Variants in SCFD2 observed in about 807,000 individuals in gnomAD.
SCFD2 encodes the protein sec1 family domain containing 2.
In SCFD2, 54 loss-of-function variants were observed where a neutral mutation model predicts 58.9. The ratio of observed to expected loss-of-function variants is 0.92; its 90% confidence interval spans 0.74 to 1.15. The LOEUF is 1.15. SCFD2 is among the 50% of genes most tolerant of loss of function. The pLI is 0.00. For synonymous variants in SCFD2, 321 were observed against 335.9 expected (o/e 0.96, Z 0.49); for missense variants, 805 against 836.6 (o/e 0.96, Z 0.47).
chr4:53,138,857 C>G (rs2148906107), intron 5 of SCFD2, among the ~76,000 whole-genome samples: 1 of 140,434 alleles, frequency 7.1e-6, no homozygotes, highest in South Asian at 2.4e-4. Flanking sequence ...AATCCCTCTC[C>G]CCCTCCCCCT....
rs150910517 is a variant in SCFD2 at position 53,106,360 on chromosome 4, C to T, written c.1561+38973G>A. On this transcript the variant is annotated intron_variant, in intron 5 of 8. Transcript: ENST00000401642. ...TTGCCAGCAAGGGAACAAAAATGGA[C>T]GGAGTATGAGTTTGACGAATTGCCA... is the stretch of plus-strand genomic sequence containing the variant. Among the ~76,000 whole-genome samples the T allele has an allele frequency of 7.0e-3, 1,060 of 152,200 alleles. 12 individuals carry two copies. Among genetic ancestry groups the T allele is most frequent in the Non-Finnish European group, 8.5e-3 (579 of 68,022 alleles).
At chr4:52,894,788 A>G (rs1718961125) in intron 7 of SCFD2, among the ~76,000 whole-genome samples, 1 of 152,342 alleles carries the variant, frequency 6.6e-6, no homozygotes, top group South Asian at 2.1e-4. Flanking sequence ...GAACTGCTGG[A>G]AAATGATCTA....
chr4:53,353,162 C>A (rs770966703), intron 1 of SCFD2, among the ~76,000 whole-genome samples: 10 of 152,200 alleles, frequency 6.6e-5, no homozygotes, highest in Non-Finnish European at 1.2e-4. Context: ...TTCAGAGTTT[C>A]TTCCTTCTGG....
At chr4:53,146,139 T>C (rs1020362623) in intron 4 of SCFD2, among the ~76,000 whole-genome samples, 2 of 152,200 alleles carry the variant, frequency 1.3e-5, no homozygotes, top group African/African-American at 2.4e-5. Context: ...AATGGTCACT[T>C]AGGGTTCAAA....
At chr4:52,885,038 G>A (rs993559594) in intron 8 of SCFD2, among the ~76,000 whole-genome samples, 1 of 152,106 alleles carries the variant, frequency 6.6e-6, no homozygotes, top group Non-Finnish European at 1.5e-5. Context: ...TTGGAACTTG[G>A]GCCCATAAAA....
chr4:53,042,510 T>C (rs756980697), intron 5 of SCFD2, among the ~76,000 whole-genome samples: 20 of 152,152 alleles, frequency 1.3e-4, no homozygotes, highest in Non-Finnish European at 2.6e-4. Flanking sequence ...AGGAAATATG[T>C]ACTGGACTTC....
chr4:52,887,934 C>T (rs1270669130), intron 7 of SCFD2, among the ~76,000 whole-genome samples: 23 of 125,926 alleles, frequency 1.8e-4, no homozygotes, highest in Non-Finnish European at 3.0e-4. Flanking sequence ...GACGGAGTCT[C>T]GCTCTGTCGC....
intron 4 of SCFD2, among the ~76,000 whole-genome samples, chr4:53,202,694 T>A (rs76941389): frequency 0.27 from 41,700 of 151,982 alleles, 6,315 homozygotes; most frequent in Non-Finnish European, 0.35. Flanking sequence ...TATCCTCTTT[T>A]ATTTCATTGA....
intron 5 of SCFD2, among the ~76,000 whole-genome samples, chr4:53,142,607 T>C (rs888532736): frequency 6.6e-6 from 1 of 152,242 alleles, no homozygotes; most frequent in African/African-American, 2.4e-5. Flanking sequence ...TTTTCCAATA[T>C]ATACTGGGAT....
chr4:53,020,161 G>C (rs1279086231), intron 5 of SCFD2, among the ~76,000 whole-genome samples: 2 of 152,144 alleles, frequency 1.3e-5, no homozygotes, highest in African/African-American at 4.8e-5. Flanking sequence ...TACTAAATTA[G>C]CATGTCATTT....
At chr4:53,078,085 T>C (rs1724036023) in intron 5 of SCFD2, among the ~76,000 whole-genome samples, 1 of 152,164 alleles carries the variant, frequency 6.6e-6, no homozygotes, top group Non-Finnish European at 1.5e-5. Context: ...CAGGAACTAG[T>C]TATTGGTTAA....
chr4:53,312,270 C>T (rs190507493), intron 3 of SCFD2, among the ~76,000 whole-genome samples: 31 of 152,250 alleles, frequency 2.0e-4, no homozygotes, highest in African/African-American at 5.8e-4. Flanking sequence ...AAACCACTTC[C>T]GGCATTGGCT....
chr4:53,226,596 G>A (rs192211998), intron 4 of SCFD2, among the ~76,000 whole-genome samples: 38 of 152,096 alleles, frequency 2.5e-4, no homozygotes, highest in Admixed American at 1.1e-3. Context: ...TAATGAACAC[G>A]TACTATCTGC....
chr4:52,909,234 A>T (rs1305371093), intron 6 of SCFD2, among the ~76,000 whole-genome samples: 2 of 152,202 alleles, frequency 1.3e-5, no homozygotes, highest in African/African-American at 4.8e-5. Context: ...CATGTATGCA[A>T]ATGAGATCCA....
intron 5 of SCFD2, among the ~76,000 whole-genome samples, chr4:52,988,102 GGGA>G (rs1721539136): frequency 6.6e-6 from 1 of 152,294 alleles, no homozygotes; most frequent in East Asian, 1.9e-4. Flanking sequence ...CATCAGCTGT[GGGA>G]GGAGAAGGAG....
intron 2 of SCFD2, among the ~76,000 whole-genome samples, chr4:53,333,911 AC>A (rs1346970532): frequency 7.1e-6 from 1 of 140,948 alleles, no homozygotes; most frequent in African/African-American, 2.6e-5. Context: ...CAAGAAAAAA[AC>A]AAACAACCCC....
intron 4 of SCFD2, among the ~76,000 whole-genome samples, chr4:53,233,992 A>T: frequency 6.6e-6 from 1 of 152,360 alleles, no homozygotes; most frequent in Non-Finnish European, 1.5e-5. Flanking sequence ...TCATAAAAAA[A>T]GTTATCAATT....
chr4:53,303,321 C>T (rs1373250106), intron 3 of SCFD2, among the ~76,000 whole-genome samples: 3 of 152,156 alleles, frequency 2.0e-5, no homozygotes, highest in African/African-American at 7.2e-5. Context: ...CAAAAGAAGA[C>T]ATTTATGTAG....
chr4:53,315,168 G>T (rs182354297), intron 2 of SCFD2, among the ~76,000 whole-genome samples: 6 of 148,632 alleles, frequency 4.0e-5, no homozygotes, highest in Admixed American at 2.7e-4. Flanking sequence ...TACTGGAAAT[G>T]ATGAGCAAGT....
Sources: allele counts gnomAD v4.1 joint callset (sites outside exome capture counted in the v4.1 genomes callset), GRCh38; gene constraint gnomAD v4.1.1; transcripts MANE v1.5; gene names NCBI Gene and HGNC (gene_info 2026-07-23, HGNC 2026-07-21).